SGCZ: variants seen among roughly 807,000 people sequenced by gnomAD.
SGCZ encodes the protein zeta-sarcoglycan.
Under a neutral mutation model 41.3 loss-of-function variants are expected in SGCZ, and 40 were observed. The observed-to-expected ratio is 0.97, with a 90% CI of 0.75 to 1.26. The LOEUF (loss-of-function observed/expected upper bound fraction) is 1.26, where lower values mean the gene tolerates loss of function less well. Among genes scored for constraint, SGCZ ranks in the 50% most tolerant of loss-of-function variants. The probability of loss-of-function intolerance (pLI) is 0.00; values close to 1 mark genes in which losing one functional copy is unlikely to be tolerated. For missense variants in SGCZ, 552 were observed against 369.8 expected, an observed-to-expected ratio of 1.49 and a Z score of -4.04; for synonymous variants, 206 against 137.5, an observed-to-expected ratio of 1.50 and a Z score of -3.49.
At chr8:14,529,935 T>C (rs1461710549) in intron 2 of SGCZ, among the ~76,000 whole-genome samples, 2 of 152,110 alleles carry the variant, frequency 1.3e-5, no homozygotes, top group East Asian at 3.9e-4. Flanking sequence ...TTATCAGGCA[T>C]TGCAATTAAA....
At chr8:14,747,677 T>TTATTATTATTAA (rs1197296313) in intron 1 of SGCZ, among the ~76,000 whole-genome samples, 36 of 141,580 alleles carry the variant, frequency 2.5e-4, no homozygotes, top group African/African-American at 9.2e-4. Flanking sequence ...ATTATTATTA[T>TTATTATTATTAA]TATTATTATT....
At chr8:14,561,862 T>A (rs182507348) in intron 1 of SGCZ, among the ~76,000 whole-genome samples, 24 of 152,298 alleles carry the variant, frequency 1.6e-4, no homozygotes, top group Admixed American at 3.9e-4. Flanking sequence ...TAAGGTTCAA[T>A]GAAAGATGCC....
At chr8:14,601,188 A>T (rs1438743359) in intron 1 of SGCZ, among the ~76,000 whole-genome samples, 1 of 151,964 alleles carries the variant, frequency 6.6e-6, no homozygotes, top group Non-Finnish European at 1.5e-5. Context: ...GCTATAATTT[A>T]TTCATTTCAC....
At chr8:14,171,881 A>G (rs1056114378) in intron 4 of SGCZ, among the ~76,000 whole-genome samples, 1 of 152,166 alleles carries the variant, frequency 6.6e-6, no homozygotes, top group African/African-American at 2.4e-5. Flanking sequence ...TTAGTGTCAT[A>G]AATCAGTGAA....
In SGCZ at chr8:14,809,298, T is replaced by C. The variant is rs891467416; in HGVS notation, c.40-254372A>G. 4.6e-5 allele frequency among the ~76,000 whole-genome samples: 7 copies of C among 152,002 alleles called. No homozygotes were observed. The East Asian group carries it at 1.4e-3, about 29-fold the overall frequency. Reference sequence around the variant, plus strand: ...CAAACTGTTTCAAAGGAGAAATGTGTAAGAAAATTTCATCATGAATATAAG... The same window carrying C: ...CAAACTGTTTCAAAGGAGAAATGTGCAAGAAAATTTCATCATGAATATAAG... On this transcript the variant is annotated intron_variant, in intron 1 of 7. Transcript: ENST00000382080.
At chr8:14,175,905 C>A (rs1804528567) in intron 4 of SGCZ, among the ~76,000 whole-genome samples, 1 of 151,776 alleles carries the variant, frequency 6.6e-6, no homozygotes, top group Non-Finnish European at 1.5e-5. Context: ...ATGCAAATAC[C>A]AAATGAAACT....
At position 15,080,700 on chromosome 8, in the gene SGCZ, G is replaced by A. The variant is rs557460783; in HGVS notation, c.39+156885C>T. 4.7e-4 allele frequency among the ~76,000 whole-genome samples: 72 copies of A among 152,084 alleles called. 1 individual carries two copies. The South Asian group carries it at 0.012, about 26-fold the overall frequency. ...CCGCCTCTGGGGTTCAAGCGATTGTGCTGCCTCAGCCTCCCAAGTAACTTG... is the reference window on the plus strand; with the variant it reads ...CCGCCTCTGGGGTTCAAGCGATTGTACTGCCTCAGCCTCCCAAGTAACTTG... On this transcript the variant is annotated intron_variant, in intron 1 of 7. Coordinates refer to ENST00000382080, the MANE Select transcript of SGCZ (RefSeq NM_139167.4).
chr8:14,803,157 T>C (rs2130509134), intron 1 of SGCZ, among the ~76,000 whole-genome samples: 1 of 152,318 alleles, frequency 6.6e-6, no homozygotes, highest in Middle Eastern at 3.4e-3. Flanking sequence ...AAATATTGCA[T>C]ATGAATCATT....
intron 3 of SGCZ, among the ~76,000 whole-genome samples, chr8:14,313,478 A>T (rs1242293437): frequency 6.6e-6 from 1 of 151,956 alleles, no homozygotes; most frequent in Non-Finnish European, 1.5e-5. Context: ...CACCATGCCC[A>T]GCTAATTTTT....
chr8:15,003,321 C>A (rs1232127496), intron 1 of SGCZ, among the ~76,000 whole-genome samples: 1 of 152,044 alleles, frequency 6.6e-6, no homozygotes, highest in Non-Finnish European at 1.5e-5. Context: ...TCAATTAAAC[C>A]TCTTTTTATG....
intron 1 of SGCZ, among the ~76,000 whole-genome samples, chr8:14,604,437 T>A (rs1805684509): frequency 6.6e-6 from 1 of 152,114 alleles, no homozygotes. Context: ...TTTTTATCTG[T>A]GCACTAGAGC....
At chr8:14,207,608 CA>C (rs1230069773) in intron 4 of SGCZ, among the ~76,000 whole-genome samples, 3 of 151,906 alleles carry the variant, frequency 2.0e-5, no homozygotes. Flanking sequence ...ATAATGAACA[CA>C]TTTAAAATAC....
intron 2 of SGCZ, among the ~76,000 whole-genome samples, chr8:14,353,950 G>C (rs1803195735): frequency 6.6e-6 from 1 of 152,012 alleles, no homozygotes; most frequent in South Asian, 2.1e-4. Context: ...ATTTGGAGAA[G>C]TCTAGCTTAT....
intron 1 of SGCZ, among the ~76,000 whole-genome samples, chr8:15,112,630 C>A (rs1397459776): frequency 6.6e-6 from 1 of 152,208 alleles, no homozygotes; most frequent in African/African-American, 2.4e-5. Context: ...ACTTGTGATG[C>A]TTGTTATTGA....
At chr8:14,798,462 C>A (rs1801209296) in intron 1 of SGCZ, among the ~76,000 whole-genome samples, 1 of 152,066 alleles carries the variant, frequency 6.6e-6, no homozygotes, top group Admixed American at 6.5e-5. Flanking sequence ...TACCTAAATG[C>A]AACTTACAGA....
chr8:14,682,809 A>C (rs1369838534), intron 1 of SGCZ, among the ~76,000 whole-genome samples: 1 of 152,198 alleles, frequency 6.6e-6, no homozygotes, highest in Non-Finnish European at 1.5e-5. Flanking sequence ...TGAAATCTAA[A>C]TAGCCATTTG....
At chr8:14,317,265 C>T (rs972854774) in intron 3 of SGCZ, among the ~76,000 whole-genome samples, 1 of 152,014 alleles carries the variant, frequency 6.6e-6, no homozygotes, top group Non-Finnish European at 1.5e-5. Context: ...CATCTAACAA[C>T]TATAACAGTG....
At chr8:14,783,383 G>C (rs1800649861) in intron 1 of SGCZ, among the ~76,000 whole-genome samples, 1 of 151,026 alleles carries the variant, frequency 6.6e-6, no homozygotes, top group African/African-American at 2.4e-5. Flanking sequence ...GCAGTGAGCT[G>C]AGATAGCACC....
At chr8:14,986,861 G>A (rs1801840896) in intron 1 of SGCZ, among the ~76,000 whole-genome samples, 1 of 151,696 alleles carries the variant, frequency 6.6e-6, no homozygotes, top group Non-Finnish European at 1.5e-5. Flanking sequence ...TTTTGTATGT[G>A]GGATAATGGA....
Sources: allele counts gnomAD v4.1 joint callset (sites outside exome capture counted in the v4.1 genomes callset), GRCh38; gene constraint gnomAD v4.1.1; transcripts MANE v1.5; gene names NCBI Gene and HGNC (gene_info 2026-07-23, HGNC 2026-07-21).